Variants in UQCC1 observed in about 807,000 individuals in gnomAD.
UQCC1 encodes the protein bFGF-repressed Zic-binding protein.
UQCC1 carries 38 observed loss-of-function variants against 48.0 expected under a neutral mutation model. The observed-to-expected ratio is 0.79, with a 90% CI of 0.61 to 1.04. UQCC1 has a LOEUF of 1.04. Among genes scored for constraint, UQCC1 ranks in the 50% least tolerant of loss-of-function variants. UQCC1 has a pLI of 0.00. For missense variants in UQCC1, 368 were observed against 381.8 expected (o/e 0.96, Z 0.30); for synonymous variants, 111 against 129.2 (o/e 0.86, Z 0.95).
chr20:35,309,101 T>TG (rs2060961492), intron 8 of UQCC1: 2 of 454,650 alleles, frequency 4.4e-6, no homozygotes, highest in African/African-American at 4.0e-5. Context: ...ATTGATGAGG[T>TG]GGGGGATGAT....
In UQCC1 at chr20:35,405,843, G is replaced by A. The variant is rs921164370; in HGVS notation, c.24+6097C>T. ...GTGGAGGTTGCAGTGAGCCAAGATG[G>A]CACCAAAGAGAATATCAACAGAAAG... On this transcript the variant is annotated intron_variant, in intron 1 of 9. Transcript: ENST00000374385. Among the ~76,000 whole-genome samples the A allele has an allele frequency of 2.6e-5, 4 of 152,270 alleles. No homozygotes were observed. The East Asian group carries it at 7.7e-4, about 29-fold the overall frequency.
chr20:35,361,816 AATG>A (rs1244035084), intron 6 of UQCC1, among the ~76,000 whole-genome samples: 3 of 152,224 alleles, frequency 2.0e-5, no homozygotes, highest in South Asian at 2.1e-4. Context: ...TAAATAAATA[AATG>A]ATAATATACA....
intron 7 of UQCC1, among the ~76,000 whole-genome samples, chr20:35,338,884 A>ATATAT (rs1568666124): frequency 6.8e-5 from 4 of 59,240 alleles, no homozygotes; most frequent in African/African-American, 4.4e-4. Flanking sequence ...AAAAAAAAAA[A>ATATAT]AAAAAAAAAT....
chr20:35,325,958 G>A (rs1208370263), intron 7 of UQCC1, among the ~76,000 whole-genome samples: 1 of 152,166 alleles, frequency 6.6e-6, no homozygotes, highest in Non-Finnish European at 1.5e-5. Context: ...GTGTGAGATT[G>A]TAAATGGCCC....
At chr20:35,327,987 C>G (rs1003901097) in intron 7 of UQCC1, among the ~76,000 whole-genome samples, 1 of 128,900 alleles carries the variant, frequency 7.8e-6, no homozygotes, top group Non-Finnish European at 1.6e-5. Context: ...GGCAACAGAA[C>G]AAGACTTTGT....
chr20:35,330,749 G>C (rs964269739), intron 7 of UQCC1, among the ~76,000 whole-genome samples: 1 of 151,878 alleles, frequency 6.6e-6, no homozygotes, highest in South Asian at 2.1e-4. Context: ...TGCAAACTGT[G>C]TTCACTCTTG....
chr20:35,370,138 G>A (rs1220680998), intron 5 of UQCC1, among the ~76,000 whole-genome samples: 2 of 152,032 alleles, frequency 1.3e-5, no homozygotes, highest in Non-Finnish European at 2.9e-5. Flanking sequence ...GACTCCAAAA[G>A]TTAAGCCCTA....
At chr20:35,354,396 C>CTTT (rs11477242) in intron 6 of UQCC1, among the ~76,000 whole-genome samples, 1 of 145,254 alleles carries the variant, frequency 6.9e-6, no homozygotes. Context: ...GGCAAATTCT[C>CTTT]TTTTTTTTTT....
At chr20:35,364,435 C>A (rs1357199735) in intron 6 of UQCC1, among the ~76,000 whole-genome samples, 4 of 152,202 alleles carry the variant, frequency 2.6e-5, no homozygotes, top group African/African-American at 7.2e-5. Context: ...GAGTCTGTAT[C>A]TGATTTGCCC....
intron 1 of UQCC1, among the ~76,000 whole-genome samples, chr20:35,411,600 C>A (rs964417195): frequency 3.9e-5 from 6 of 152,174 alleles, no homozygotes; most frequent in African/African-American, 1.4e-4. Context: ...CAGTGACAGT[C>A]AGGGACTAGA....
intron 9 of UQCC1, among the ~76,000 whole-genome samples, chr20:35,306,123 A>G (rs1391348355): frequency 6.6e-6 from 1 of 152,164 alleles, no homozygotes; most frequent in Non-Finnish European, 1.5e-5. Flanking sequence ...TTCTCGTAGA[A>G]GCTTTGATGT....
intron 7 of UQCC1, chr20:35,346,042 G>C (rs1336844006): frequency 6.6e-6 from 1 of 152,166 alleles, no homozygotes; most frequent in African/African-American, 2.4e-5. Context: ...GCACCAATCA[G>C]TGCTCTGTGT....
chr20:35,374,057 G>T, intron 5 of UQCC1, 127 bp downstream of exon 5: 1 of 676,524 alleles, frequency 1.5e-6, no homozygotes, highest in Non-Finnish European at 2.5e-6. Context: ...AGACAGTTTG[G>T]ATTATATGCT....
chr20:35,340,985 T>C (rs545843261), intron 7 of UQCC1, among the ~76,000 whole-genome samples: 4 of 152,036 alleles, frequency 2.6e-5, no homozygotes, highest in African/African-American at 7.2e-5. Flanking sequence ...TCCCAGCACT[T>C]TGGAAGGCCG....
intron 2 of UQCC1, among the ~76,000 whole-genome samples, chr20:35,391,569 A>G (rs907300343): frequency 6.6e-6 from 1 of 152,060 alleles, no homozygotes; most frequent in African/African-American, 2.4e-5. Context: ...GGTTGCAGTG[A>G]GCAAGATAGT....
chr20:35,362,943 G>C (rs1425869508), intron 6 of UQCC1, among the ~76,000 whole-genome samples: 1 of 148,112 alleles, frequency 6.8e-6, no homozygotes, highest in African/African-American at 2.5e-5. Context: ...TCCTCCCTCT[G>C]TCTCTGTACA....
intron 1 of UQCC1, among the ~76,000 whole-genome samples, chr20:35,397,273 T>C (rs1453914427): frequency 6.6e-6 from 1 of 151,368 alleles, no homozygotes; most frequent in Non-Finnish European, 1.5e-5. Flanking sequence ...CCCAGCACTT[T>C]GGGAGGCCGA....
intron 1 of UQCC1, among the ~76,000 whole-genome samples, chr20:35,404,852 G>A (rs1156840879): frequency 1.3e-5 from 2 of 152,138 alleles, no homozygotes; most frequent in Non-Finnish European, 2.9e-5. Flanking sequence ...ATGGCTTCCT[G>A]AGGCAGTGAT....
intron 7 of UQCC1, chr20:35,346,078 A>G (rs1568671056): frequency 6.6e-6 from 1 of 152,148 alleles, no homozygotes; most frequent in Non-Finnish European, 1.5e-5. Flanking sequence ...TAAATGCACC[A>G]ATCAGCATTC....
Sources: gnomAD v4.1 joint callset for allele counts (sites outside exome capture counted in the v4.1 genomes callset) on GRCh38, gnomAD v4.1.1 for gene constraint, MANE v1.5 for transcripts, NCBI Gene and HGNC (gene_info 2026-07-23, HGNC 2026-07-21) for gene names.